ZNF596: variants seen among roughly 807,000 people sequenced by gnomAD.
ZNF596 encodes zinc finger protein 596.
Under a neutral mutation model 48.3 loss-of-function variants are expected in ZNF596, and 45 were observed. That is an observed-to-expected ratio of 0.93 (90% confidence interval 0.73 to 1.19). The LOEUF is 1.19. Among genes scored for constraint, ZNF596 ranks in the 50% most tolerant of loss-of-function variants. The pLI, the probability that ZNF596 is intolerant of heterozygous loss-of-function variation, is 0.00. For synonymous variants in ZNF596, 270 were observed against 202.0 expected, an observed-to-expected ratio of 1.34 and a Z score of -2.85; for missense variants, 848 against 599.7, an observed-to-expected ratio of 1.41 and a Z score of -4.32.
rs111395209 is a variant in ZNF596 at position 241,611 on chromosome 8, C to T, written c.12+704C>T. On this transcript the variant is annotated intron_variant, in intron 2 of 5. Transcript: ENST00000398612. The stretch of plus-strand genomic sequence containing the variant: ...GCATTAAGTGATGGAGTATAGGAAA[C>T]AGAGTAAATTTAAAACTCTGAGGAA... Among the ~76,000 whole-genome samples, 561 of 152,222 alleles carry T rather than the reference C, an allele frequency of 3.7e-3. 4 individuals are homozygous for T. The highest frequency in any genetic ancestry group is 4.2e-3 in the Non-Finnish European group (285 of 67,998).
intron 1 of ZNF596, 144 bp from the exon 2 acceptor site, chr8:240,680 G>A (rs537380812): frequency 5.1e-6 from 3 of 590,628 alleles, no homozygotes; most frequent in African/African-American, 3.7e-5. Context: ...TCTGACCCTG[G>A]GAGAGGAGAG....
chr8:245,174 T>TC lies in ZNF596; in HGVS notation c.329dup (p.Leu112SerfsTer4). 6.3e-7 allele frequency: 1 copy of TC among 1,599,432 alleles called. No homozygotes were observed. The highest frequency in any genetic ancestry group is 1.1e-5 in the South Asian group (1 of 88,906). On this transcript the variant is annotated frameshift_variant, in exon 6 of 6. Coordinates refer to ENST00000398612, the MANE Select transcript of ZNF596 (RefSeq NM_001042416.3). LOFTEE classifies it high-confidence loss of function. ...ACCAGAGATCTCATACTCAAGAGGATCCTTTTCTATGCAATGACTTAGGAG... is the reference window on the plus strand; with the variant it reads ...ACCAGAGATCTCATACTCAAGAGGATCCCTTTTCTATGCAATGACTTAGGAG...
At chr8:239,127 G>C (rs974752216) in intron 1 of ZNF596, among the ~76,000 whole-genome samples, 1 of 152,114 alleles carries the variant, frequency 6.6e-6, no homozygotes, top group Non-Finnish European at 1.5e-5. Context: ...AGTAGAAAAA[G>C]AATTTTTTAA....
Position 245,297 on chromosome 8 carries a change from C to T in ZNF596, c.450C>T (p.Asp150=). ...VSKKFGKIFS[D]WLSFNQHKEI... ...AAAAGTTTGGGAAAATCTTCAGTGA[C>T]TGGTTATCCTTTAATCAACACAAGG... Residue 150 remains aspartate, a synonymous_variant, in exon 6 of 6, where the codon GAC becomes GAT. Transcript: ENST00000398612. The T allele has an allele frequency of 3.7e-6, 6 of 1,614,080 alleles. No homozygotes were observed. Among genetic ancestry groups the T allele is most frequent in the African/African-American group, 1.3e-5 (1 of 75,056 alleles).
intron 1 of ZNF596, among the ~76,000 whole-genome samples, chr8:235,848 T>C (rs1796595672): frequency 6.6e-6 from 1 of 152,226 alleles, no homozygotes; most frequent in African/African-American, 2.4e-5. Context: ...ATATGACTTA[T>C]TTTAAATTTC....
chr8:240,953 C>G (rs374927262), intron 2 of ZNF596, 46 bp downstream of exon 2: 4 of 1,611,720 alleles, frequency 2.5e-6, no homozygotes, highest in African/African-American at 2.7e-5. Flanking sequence ...ACCCCTGTTA[C>G]CAGCCTAAGG....
At chr8:233,323 GT>G (rs1232430406) in intron 1 of ZNF596, 1 of 316,018 alleles carries the variant, frequency 3.2e-6, no homozygotes, top group Non-Finnish European at 6.5e-6. Flanking sequence ...TCTTTAGATG[GT>G]TTTCTGATTT....
chr8:244,455 A>T (rs1334719906), intron 4 of ZNF596, 164 bp from the exon 5 acceptor site: 2 of 604,248 alleles, frequency 3.3e-6, no homozygotes. Flanking sequence ...TGAAAATGTC[A>T]GTAGTCAATG....
At chr8:244,565 C>G (rs1373424275) in intron 4 of ZNF596, 54 bp from the exon 5 acceptor site, 11 of 1,284,704 alleles carry the variant, frequency 8.6e-6, no homozygotes, top group Non-Finnish European at 1.2e-5. Context: ...AGCTATTTAA[C>G]ATTTTTATTC....
intron 1 of ZNF596, among the ~76,000 whole-genome samples, chr8:239,477 G>A (rs932568180): frequency 5.3e-5 from 8 of 152,316 alleles, no homozygotes; most frequent in Admixed American, 1.3e-4. Context: ...GATTACAGGC[G>A]TGAGCCACCA....
At chr8:243,679 C>A in intron 3 of ZNF596, 43 bp from the exon 4 acceptor site, 1 of 1,595,666 alleles carries the variant, frequency 6.3e-7, no homozygotes, top group South Asian at 1.1e-5. Flanking sequence ...GTACATTTGT[C>A]AGCACAGAAC....
Position 246,056 on chromosome 8 carries a change from T to G in ZNF596, c.1209T>G (p.Ser403=). Residue 403 remains serine, a synonymous_variant, in exon 6 of 6, where the codon TCT becomes TCG. Transcript: ENST00000398612. ...TATGTGGGAAAGCCTTCACTGAATC[T>G]TCTGACCTCAGACGACATGAGAGAA... ...CHVCGKAFTE[S]SDLRRHERTH... The G allele has an allele frequency of 1.9e-6, 3 of 1,614,024 alleles. No individual in the cohort carries two copies. Among genetic ancestry groups the G allele is most frequent in the Non-Finnish European group, 2.5e-6 (3 of 1,179,982 alleles).
intron 1 of ZNF596, 119 bp downstream of exon 1, chr8:232,813 C>G: frequency 2.3e-6 from 1 of 433,472 alleles, no homozygotes; most frequent in Non-Finnish European, 4.8e-6. Context: ...CCCCATCCTT[C>G]CCTCCGCCAG....
intron 1 of ZNF596, chr8:233,675 A>G (rs1796512073): frequency 6.6e-6 from 1 of 152,250 alleles, no homozygotes; most frequent in African/African-American, 2.4e-5. Context: ...TTCATAATGA[A>G]TAGACTGCTC....
At chr8:243,118 C>T (rs751711490) in intron 3 of ZNF596, 105 bp downstream of exon 3, 36 of 1,022,400 alleles carry the variant, frequency 3.5e-5, no homozygotes, top group Admixed American at 1.1e-4. Flanking sequence ...ACAGCTTTCT[C>T]ATCTATCACT....
Position 245,172 on chromosome 8 carries a change from G to A in ZNF596, c.325G>A (p.Asp109Asn). The change falls in exon 6 of 6, where the codon GAT becomes AAT. Residue 109 changes from aspartate to asparagine, a missense_variant. Physicochemically the swap from Asp to Asn is conservative, Grantham distance 23. Coordinates refer to ENST00000398612, the MANE Select transcript of ZNF596 (RefSeq NM_001042416.3). Reference sequence around the variant, plus strand: ...AAACCAGAGATCTCATACTCAAGAGGATCCTTTTCTATGCAATGACTTAGG... The same window carrying A: ...AAACCAGAGATCTCATACTCAAGAGAATCCTTTTCTATGCAATGACTTAGG... ...ISTMRSHTQE[D>N]PFLCNDLGED... The A allele has an allele frequency of 6.3e-7, 1 of 1,597,558 alleles. No homozygotes were observed. Among genetic ancestry groups the A allele is most frequent in the Non-Finnish European group, 8.5e-7 (1 of 1,170,922 alleles).
intron 3 of ZNF596, chr8:243,518 A>G (rs1364532027): frequency 4.5e-6 from 2 of 443,774 alleles, no homozygotes; most frequent in Non-Finnish European, 8.1e-6. Flanking sequence ...GCCATCAGCA[A>G]TTATAGGTCT....
rs189998229 is a variant in ZNF596 at position 246,286 on chromosome 8, G to A, written c.1439G>A (p.Cys480Tyr). The change falls in exon 6 of 6, where the codon TGT becomes TAT. Residue 480 changes from cysteine to tyrosine, a missense_variant. By Grantham distance (194) the Cys-to-Tyr change is radical. Coordinates refer to ENST00000398612, the MANE Select transcript of ZNF596 (RefSeq NM_001042416.3). ...GAGAAACCATATGTATGTCCTCTAT[G>A]TGGGAAAGCCTTTAGTAAATTTTTT... ...TGEKPYVCPL[C>Y]GKAFSKFFNL... The A allele has an allele frequency of 3.7e-6, 6 of 1,610,436 alleles. No individual in the cohort carries two copies. Among genetic ancestry groups the A allele is most frequent in the Admixed American group, 1.7e-5 (1 of 59,274 alleles).
Position 240,810 on chromosome 8 carries a change from T to G in ZNF596, c.-72-14T>G. On this transcript the variant is annotated splice_polypyrimidine_tract_variant and intron_variant, in intron 1 of 5. Coordinates refer to ENST00000398612, the MANE Select transcript of ZNF596 (RefSeq NM_001042416.3). The stretch of plus-strand genomic sequence containing the variant: ...TGTCATGGTTTTTTTGTTTTTGTTT[T>G]TGTTTTTGCTCAGATTTGTCTTCTT... 6.4e-7 allele frequency: 1 copy of G among 1,563,828 alleles called. No homozygotes were observed. The highest frequency in any genetic ancestry group is 8.8e-7 in the Non-Finnish European group (1 of 1,135,568).
Sources: allele counts gnomAD v4.1 joint callset (sites outside exome capture counted in the v4.1 genomes callset), GRCh38; gene constraint gnomAD v4.1.1; transcripts MANE v1.5; gene names NCBI Gene and HGNC (gene_info 2026-07-23, HGNC 2026-07-21).